The following PDHX variants were observed in gnomAD, a reference collection of about 807,000 sequenced individuals.
The protein encoded by PDHX is pyruvate dehydrogenase complex component X.
A neutral mutation model predicts 55.3 loss-of-function variants in PDHX; 33 were observed. The observed-to-expected ratio is 0.60, with a 90% confidence interval of 0.45 to 0.80. The LOEUF is 0.80. Ranked by LOEUF, PDHX falls within the 30% of genes least tolerant of loss-of-function variation. PDHX has a pLI of 0.00. For synonymous variants in PDHX, 226 were observed against 219.4 expected (o/e 1.03, Z -0.27); for missense variants, 622 against 619.9 (o/e 1.00, Z -0.04).
At chr11:34,937,632 A>C (rs1202510946) in intron 2 of PDHX, among the ~76,000 whole-genome samples, 2 of 152,144 alleles carry the variant, frequency 1.3e-5, no homozygotes, top group African/African-American at 2.4e-5. Flanking sequence ...GAAATTTGAG[A>C]GTCATCAGCA....
intron 1 of PDHX, among the ~76,000 whole-genome samples, chr11:34,917,206 C>A (rs909666039): frequency 6.6e-6 from 1 of 152,102 alleles, no homozygotes; most frequent in Admixed American, 6.6e-5. Flanking sequence ...ATTGAAAAGC[C>A]ACTGTTGGGA....
At chr11:34,973,697 C>G (rs1855302691) in intron 7 of PDHX, among the ~76,000 whole-genome samples, 1 of 152,160 alleles carries the variant, frequency 6.6e-6, no homozygotes, top group Admixed American at 6.5e-5. Flanking sequence ...CTTCCTCCCT[C>G]TCATATTTTG....
intron 4 of PDHX, among the ~76,000 whole-genome samples, chr11:34,959,402 AAAACAAAC>A (rs141164880): frequency 1.9e-4 from 28 of 151,228 alleles, no homozygotes; most frequent in Middle Eastern, 3.4e-3. Context: ...GGCTAGTATC[AAAACAAAC>A]AAACAAACAA....
At chr11:34,941,441 C>T (rs1443323290) in intron 2 of PDHX, among the ~76,000 whole-genome samples, 2 of 152,156 alleles carry the variant, frequency 1.3e-5, no homozygotes, top group Non-Finnish European at 2.9e-5. Context: ...TTCACATGGG[C>T]AGCTAGTAAA....
intron 3 of PDHX, among the ~76,000 whole-genome samples, chr11:34,949,908 A>G (rs1854715431): frequency 6.6e-6 from 1 of 152,154 alleles, no homozygotes; most frequent in Non-Finnish European, 1.5e-5. Context: ...TCAAAAGTAG[A>G]ATTTTTTCTA....
chr11:34,968,029 G>A (rs534898835), intron 6 of PDHX, among the ~76,000 whole-genome samples: 1 of 152,168 alleles, frequency 6.6e-6, no homozygotes, highest in East Asian at 1.9e-4. Context: ...TAGCACTTTG[G>A]GAGGCTGAGG....
At chr11:34,975,201 A>T (rs1855340817) in intron 7 of PDHX, among the ~76,000 whole-genome samples, 1 of 151,830 alleles carries the variant, frequency 6.6e-6, no homozygotes, top group South Asian at 2.1e-4. Flanking sequence ...TTGCATTACC[A>T]ATTTGGCTAT....
At chr11:34,917,592 C>T (rs1853763245) in intron 1 of PDHX, among the ~76,000 whole-genome samples, 1 of 151,978 alleles carries the variant, frequency 6.6e-6, no homozygotes, top group Non-Finnish European at 1.5e-5. Context: ...TGACGTATTA[C>T]CTGCCAATCA....
At chr11:34,976,537 G>A (rs929371786) in intron 7 of PDHX, among the ~76,000 whole-genome samples, 3 of 152,110 alleles carry the variant, frequency 2.0e-5, no homozygotes, top group Non-Finnish European at 2.9e-5. Flanking sequence ...CAGAATTAGA[G>A]GTAGAATTTG....
chr11:34,946,419 A>G (rs1854621261), intron 2 of PDHX, among the ~76,000 whole-genome samples: 1 of 152,092 alleles, frequency 6.6e-6, no homozygotes, highest in Admixed American at 6.5e-5. Flanking sequence ...TTTTGTTACA[A>G]TTACTGATTT....
At chr11:34,961,672 C>G (rs1250956129) in intron 5 of PDHX, among the ~76,000 whole-genome samples, 2 of 152,046 alleles carry the variant, frequency 1.3e-5, no homozygotes, top group Non-Finnish European at 2.9e-5. Flanking sequence ...TTATTGAAAG[C>G]AGTATATAGA....
rs543371572 is a variant in PDHX at position 34,982,651 on chromosome 11, G to A, written c.1024-1919G>A. Among the ~76,000 whole-genome samples the A allele has an allele frequency of 1.2e-3, 187 of 152,256 alleles. No homozygotes were observed. In the Middle Eastern group the frequency reaches 0.014, roughly 11 times the overall value. On this transcript the variant is annotated intron_variant, in intron 8 of 10. Transcript: ENST00000227868. ...CAGAGAATACTATAAACACCTCTAC[G>A]TAAATAAACCAGAAAATCTAGAAGA...
At chr11:34,930,973 C>T (rs138169682) in intron 1 of PDHX, among the ~76,000 whole-genome samples, 117 of 152,220 alleles carry the variant, frequency 7.7e-4, no homozygotes, top group African/African-American at 2.6e-3. Flanking sequence ...TCATCAGAAC[C>T]GTGTTTTTGT....
chr11:34,988,558 C>CA (rs201687707), intron 9 of PDHX, among the ~76,000 whole-genome samples: 80,386 of 140,392 alleles, frequency 0.57, 24,013 homozygotes, highest in East Asian at 0.69. Context: ...TGTTTTCTGT[C>CA]AAAAAAAAAA....
intron 3 of PDHX, among the ~76,000 whole-genome samples, chr11:34,952,394 G>T (rs1017093614): frequency 5.3e-5 from 8 of 152,114 alleles, no homozygotes; most frequent in African/African-American, 1.9e-4. Flanking sequence ...CAAAAAAAGA[G>T]AATTTTAGAC....
chr11:34,971,274 A>T (rs1264024611), intron 7 of PDHX, among the ~76,000 whole-genome samples: 1 of 152,022 alleles, frequency 6.6e-6, no homozygotes, highest in African/African-American at 2.4e-5. Flanking sequence ...TTATTTCTTT[A>T]TTTTTGACCT....
At chr11:34,980,963 A>G (rs1371239989) in intron 8 of PDHX, among the ~76,000 whole-genome samples, 1 of 152,084 alleles carries the variant, frequency 6.6e-6, no homozygotes, top group Non-Finnish European at 1.5e-5. Flanking sequence ...ATTAATAGGC[A>G]GGGTTTCCAG....
chr11:34,965,112 G>A (rs995920932), intron 5 of PDHX, among the ~76,000 whole-genome samples: 9 of 152,120 alleles, frequency 5.9e-5, no homozygotes, highest in African/African-American at 2.2e-4. Flanking sequence ...AGAAGTCCTG[G>A]CATAGCATGG....
intron 5 of PDHX, among the ~76,000 whole-genome samples, chr11:34,962,226 T>G (rs1267100031): frequency 1.3e-5 from 2 of 152,218 alleles, no homozygotes; most frequent in Non-Finnish European, 2.9e-5. Context: ...GATAAGGAGA[T>G]AAATTAATAG....
Sources: allele counts gnomAD v4.1 joint callset (sites outside exome capture counted in the v4.1 genomes callset), GRCh38; gene constraint gnomAD v4.1.1; transcripts MANE v1.5; gene names NCBI Gene and HGNC (gene_info 2026-07-23, HGNC 2026-07-21).